Variants in PRMT3 observed in about 807,000 individuals in gnomAD.
The protein encoded by PRMT3 is protein arginine N-methyltransferase 3.
In PRMT3, 62 loss-of-function variants were observed where a neutral mutation model predicts 71.9. That is an observed-to-expected ratio of 0.86 (90% confidence interval 0.70 to 1.07). PRMT3 has a LOEUF of 1.07. PRMT3 is among the 50% of genes least tolerant of loss of function. The pLI, the probability that PRMT3 is intolerant of heterozygous loss-of-function variation, is 0.00. For missense variants in PRMT3, 663 were observed against 643.0 expected (o/e 1.03, Z -0.34); for synonymous variants, 213 against 220.4 (o/e 0.97, Z 0.30).
intron 6 of PRMT3, among the ~76,000 whole-genome samples, chr11:20,396,588 A>G (rs1195505343): frequency 1.3e-5 from 2 of 152,022 alleles, no homozygotes; most frequent in Admixed American, 6.6e-5. Flanking sequence ...CAGTGAGCTG[A>G]GATCGCACCA....
At chr11:20,477,753 A>C (rs1230690560) in intron 13 of PRMT3, among the ~76,000 whole-genome samples, 2 of 151,898 alleles carry the variant, frequency 1.3e-5, no homozygotes, top group Admixed American at 1.3e-4. Flanking sequence ...ATGTCGTATT[A>C]ATAGAGATAG....
At chr11:20,437,751 G>A (rs1590063683) in intron 10 of PRMT3, among the ~76,000 whole-genome samples, 2 of 152,092 alleles carry the variant, frequency 1.3e-5, no homozygotes, top group East Asian at 1.9e-4. Context: ...CACCATGCCC[G>A]GCTAATTTTT....
At chr11:20,474,402 C>T (rs1244014107) in intron 13 of PRMT3, among the ~76,000 whole-genome samples, 1 of 152,248 alleles carries the variant, frequency 6.6e-6, no homozygotes, top group Admixed American at 6.5e-5. Context: ...CAGAATTACA[C>T]TACTTGGCTT....
chr11:20,418,183 C>T (rs1849350290), intron 9 of PRMT3, among the ~76,000 whole-genome samples: 1 of 152,126 alleles, frequency 6.6e-6, no homozygotes, highest in Non-Finnish European at 1.5e-5. Context: ...TTAAAGATAT[C>T]CTTTTTATTA....
chr11:20,490,401 A>G (rs1401775173), intron 13 of PRMT3, among the ~76,000 whole-genome samples: 1 of 152,224 alleles, frequency 6.6e-6, no homozygotes, highest in East Asian at 1.9e-4. Context: ...GTTACCCAGA[A>G]CTTCCCAGTA....
At chr11:20,404,228 T>A (rs1249609862) in intron 8 of PRMT3, among the ~76,000 whole-genome samples, 5 of 101,844 alleles carry the variant, frequency 4.9e-5, no homozygotes, top group African/African-American at 2.0e-4. Context: ...TTTTTTTTTT[T>A]TTTTTTTTTT....
Position 20,452,134 on chromosome 11 carries a change from AT to A in PRMT3, c.1002del (p.Leu335PhefsTer7). The A allele has an allele frequency of 1.2e-6, 2 of 1,603,180 alleles. No individual in the cohort carries two copies. The highest frequency in any genetic ancestry group is 1.3e-5 in the African/African-American group (1 of 74,690). On this transcript the variant is annotated frameshift_variant, in exon 11 of 16. Coordinates refer to ENST00000331079, the MANE Select transcript of PRMT3 (RefSeq NM_005788.4). LOFTEE classifies it high-confidence loss of function. ...TTTTCCCCTTTTTTTATGCAGGGCT[AT>A]TTTCTTCTGTTTGAGTCTATGTTAG... ...VDVIISEWMG[Y>X]FLLFESMLDS...
intron 4 of PRMT3, among the ~76,000 whole-genome samples, 175 bp from the exon 5 acceptor site, chr11:20,392,722 G>A (rs1449034189): frequency 6.6e-6 from 1 of 151,746 alleles, no homozygotes; most frequent in Non-Finnish European, 1.5e-5. Context: ...GAAACTGCTG[G>A]TTAAGCAGTC....
chr11:20,419,423 A>G (rs1031388034), intron 9 of PRMT3, among the ~76,000 whole-genome samples: 1 of 152,150 alleles, frequency 6.6e-6, no homozygotes, highest in South Asian at 2.1e-4. Context: ...GTTTTATGTA[A>G]CGTGAAAGTC....
At chr11:20,479,300 T>C (rs1373281641) in intron 13 of PRMT3, among the ~76,000 whole-genome samples, 1 of 152,156 alleles carries the variant, frequency 6.6e-6, no homozygotes, top group Non-Finnish European at 1.5e-5. Flanking sequence ...TAGCATATGC[T>C]AGGAGCTGAG....
intron 8 of PRMT3, among the ~76,000 whole-genome samples, chr11:20,404,404 T>G (rs2133317206): frequency 6.6e-6 from 1 of 151,882 alleles, no homozygotes; most frequent in African/African-American, 2.4e-5. Flanking sequence ...CAGCTAATTT[T>G]TGTATTTTTA....
At chr11:20,441,528 C>T (rs1409716785) in intron 10 of PRMT3, among the ~76,000 whole-genome samples, 2 of 151,454 alleles carry the variant, frequency 1.3e-5, no homozygotes, top group Admixed American at 6.6e-5. Context: ...AGGATGGTCT[C>T]GATCTCCTGA....
At chr11:20,440,373 TG>T (rs1036723890) in intron 10 of PRMT3, among the ~76,000 whole-genome samples, 3 of 150,914 alleles carry the variant, frequency 2.0e-5, no homozygotes, top group African/African-American at 4.9e-5. Context: ...AGGCCGGGTG[TG>T]GTGGCTCACG....
intron 15 of PRMT3, among the ~76,000 whole-genome samples, chr11:20,496,944 C>T (rs1851347867): frequency 6.6e-6 from 1 of 152,154 alleles, no homozygotes; most frequent in African/African-American, 2.4e-5. Flanking sequence ...TTCAGCACAG[C>T]AAAAGTGAAA....
At chr11:20,392,762 G>A (rs1404776506) in intron 4 of PRMT3, 135 bp from the exon 5 acceptor site, 3 of 572,634 alleles carry the variant, frequency 5.2e-6, no homozygotes, top group Non-Finnish European at 9.1e-6. Flanking sequence ...TGACAGGCAC[G>A]TAGACTTTTT....
intron 15 of PRMT3, among the ~76,000 whole-genome samples, 161 bp from the exon 16 acceptor site, chr11:20,508,143 C>T (rs1851637513): frequency 1.4e-5 from 1 of 72,904 alleles, no homozygotes; most frequent in Admixed American, 1.5e-4. Context: ...GAGTGAGACT[C>T]CATCTTAAAA....
chr11:20,415,206 TA>T (rs950002582), intron 9 of PRMT3, among the ~76,000 whole-genome samples: 31 of 152,082 alleles, frequency 2.0e-4, no homozygotes, highest in Non-Finnish European at 4.0e-4. Flanking sequence ...AAAATGGTTT[TA>T]AAAAAAATTT....
intron 9 of PRMT3, among the ~76,000 whole-genome samples, chr11:20,425,413 C>T (rs547979975): frequency 1.1e-4 from 16 of 152,272 alleles, no homozygotes; most frequent in Admixed American, 1.3e-4. Context: ...ATATACACTA[C>T]CATTTGATGG....
intron 15 of PRMT3, among the ~76,000 whole-genome samples, chr11:20,500,013 G>C (rs987682125): frequency 2.6e-5 from 4 of 152,142 alleles, no homozygotes; most frequent in Admixed American, 2.6e-4. Flanking sequence ...CAGCAAACTT[G>C]TGGTAAATTT....
Sources: allele counts gnomAD v4.1 joint callset (sites outside exome capture counted in the v4.1 genomes callset), GRCh38; gene constraint gnomAD v4.1.1; transcripts MANE v1.5; gene names NCBI Gene and HGNC (gene_info 2026-07-23, HGNC 2026-07-21).